The following CSK variants were observed in gnomAD, a reference collection of about 807,000 sequenced individuals.
CSK encodes the protein tyrosine-protein kinase CSK.
Under a neutral mutation model 62.3 loss-of-function variants are expected in CSK, and 7 were observed. The ratio of observed to expected loss-of-function variants is 0.11; its 90% confidence interval spans 0.06 to 0.21. The LOEUF is 0.21. CSK is among the 10% of genes least tolerant of loss of function. The pLI is 1.00. For synonymous variants in CSK, 237 were observed against 246.0 expected, an observed-to-expected ratio of 0.96 and a Z score of 0.34; for missense variants, 294 against 613.5, an observed-to-expected ratio of 0.48 and a Z score of 5.50.
At chr15:74,794,163 T>C (rs62006565) in intron 1 of CSK, among the ~76,000 whole-genome samples, 35,008 of 51,410 alleles carry the variant, frequency 0.68, 11,426 homozygotes, top group Non-Finnish European at 0.76. Context: ...ACCCCCACCC[T>C]CACAGCTTAC....
At position 74,782,151 on chromosome 15, in the gene CSK, T is replaced by TGGCCGCCGCCGCCGCC. The variant is rs1302261617; in HGVS notation, c.-633_-618dup. ...AGCGGAGCCCTGGGCGAGCCGAGGTTGGCCGCCGCCGCCGCCGAGCCCGCT... is the reference window on the plus strand; with the variant it reads ...AGCGGAGCCCTGGGCGAGCCGAGGTTGGCCGCCGCCGCCGCCGGCCGCCGCCGCCGCCGAGCCCGCT... On this transcript the variant is annotated 5_prime_UTR_variant, in exon 1 of 13. Transcript: ENST00000220003. The surrounding 1 kb of genome is among the most constrained non-coding windows in gnomAD (Gnocchi z 5.7). 6.7e-6 allele frequency: 1 copy of TGGCCGCCGCCGCCGCC among 148,646 alleles called. No individual in the cohort carries two copies. Among genetic ancestry groups the TGGCCGCCGCCGCCGCC allele is most frequent in the Non-Finnish European group, 1.5e-5 (1 of 66,486 alleles). 9.2% of individuals were successfully genotyped at this position (148,646 alleles called of 1,614,324 possible).
rs1180937271 is a variant in CSK at position 74,798,188 on chromosome 15, G to T, written c.-65-45G>T. On this transcript the variant is annotated intron_variant, in intron 1 of 12. Coordinates refer to ENST00000220003, the MANE Select transcript of CSK (RefSeq NM_004383.3). The surrounding 1 kb of genome is among the most constrained non-coding windows in gnomAD (Gnocchi z 6.6). ...GGAGCCAGATCTCAGCAGTTGGGGG[G>T]CATTTCTTCACACCCCTCCTCAGTC... 6 of 1,230,452 alleles carry T rather than the reference G, an allele frequency of 4.9e-6. No homozygotes were observed. Among genetic ancestry groups the T allele is most frequent in the Non-Finnish European group, 6.7e-6 (6 of 891,424 alleles). 76.2% of individuals were successfully genotyped at this position (1,230,452 alleles called of 1,614,324 possible). A position where few individuals can be genotyped will look rare whatever the true frequency, so the allele number is the denominator to read the frequency against.
In CSK at chr15:74,799,258, C is replaced by G; in HGVS notation, c.243-14C>G. ...CTTTGGGCCACCATGACCTCCAGCCCTGCTGCTCCCCAGTTGGTTCCACGG... is the reference window on the plus strand; with the variant it reads ...CTTTGGGCCACCATGACCTCCAGCCGTGCTGCTCCCCAGTTGGTTCCACGG... On this transcript the variant is annotated splice_polypyrimidine_tract_variant and intron_variant, in intron 4 of 12. Coordinates refer to ENST00000220003, the MANE Select transcript of CSK (RefSeq NM_004383.3). 6.2e-7 allele frequency: 1 copy of G among 1,601,100 alleles called. No homozygotes were observed.
rs35869831 is a variant in CSK at position 74,784,568 on chromosome 15, C to G, written c.-66+1848C>G. Among the ~76,000 whole-genome samples, 847 of 152,244 alleles carry G rather than the reference C, an allele frequency of 5.6e-3. 6 individuals carry two copies. The highest frequency in any genetic ancestry group is 8.3e-3 in the Non-Finnish European group (563 of 68,018). ...CCCTCTCAGAAGCAGCTGCTCTTCT[C>G]TCTGCATTGGGTCAGGGGCAAGGAA... On this transcript the variant is annotated intron_variant, in intron 1 of 12. Transcript: ENST00000220003.
At chr15:74,791,153 C>A (rs1378940) in intron 1 of CSK, among the ~76,000 whole-genome samples, 66,016 of 152,074 alleles carry the variant, frequency 0.43, 18,745 homozygotes, top group Non-Finnish European at 0.66. Context: ...TCTGTCTTTC[C>A]AAAGATAATC....
intron 1 of CSK, among the ~76,000 whole-genome samples, chr15:74,791,456 C>A (rs140399289): frequency 3.3e-5 from 5 of 152,152 alleles, no homozygotes; most frequent in Admixed American, 1.3e-4. Context: ...GGCATTGCAT[C>A]TTTCACCCTA....
intron 1 of CSK, among the ~76,000 whole-genome samples, chr15:74,785,888 G>T (rs543649269): frequency 6.6e-6 from 1 of 152,108 alleles, no homozygotes; most frequent in East Asian, 1.9e-4. Flanking sequence ...CATGGGGCTG[G>T]CCCTGGGAAG....
intron 1 of CSK, chr15:74,792,926 GCTTTGGGGTTAACTATAGTCC>G (rs1567216389): frequency 1.3e-5 from 2 of 152,276 alleles, no homozygotes; most frequent in East Asian, 1.9e-4. Flanking sequence ...AGCTGCTATC[GCTTTGGGGTTAACTATAGTCC>G]CTTTGGGGTT....
chr15:74,786,002 C>CTTTTTTTTTTTTTTTTTTT (rs536939856), intron 1 of CSK, among the ~76,000 whole-genome samples: 12 of 73,620 alleles, frequency 1.6e-4, no homozygotes, highest in East Asian at 4.3e-4. Flanking sequence ...CTCTCTCTCT[C>CTTTTTTTTTTTTTTTTTTT]TTTTTTTTTT....
Position 74,800,879 on chromosome 15 carries a change from G to A in CSK, c.679G>A (p.Asp227Asn). 6.2e-7 allele frequency: 1 copy of A among 1,613,240 alleles called. No homozygotes were observed. The highest frequency in any genetic ancestry group is 8.5e-7 in the Non-Finnish European group (1 of 1,180,018). The change falls in exon 8 of 13, where the codon GAC becomes AAC. Residue 227 changes from aspartate to asparagine, a missense_variant. Physicochemically the swap from Asp to Asn is conservative, Grantham distance 23. Transcript: ENST00000220003. The part of the protein sequence containing the change: ...NKVAVKCIKN[D>N]ATAQAFLAEA... Reference sequence around the variant, plus strand: ...AGTCGCCGTCAAGTGCATTAAGAACGACGCCACTGCCCAGGCCTTCCTGGC... The same window carrying A: ...AGTCGCCGTCAAGTGCATTAAGAACAACGCCACTGCCCAGGCCTTCCTGGC...
In CSK at chr15:74,802,535, A is replaced by T. The variant is rs762082239; in HGVS notation, c.*22A>T. On this transcript the variant is annotated 3_prime_UTR_variant, in exon 13 of 13. Transcript: ENST00000220003. ...GTGACGGCTGGCCTCCGCCTGGGTC[A>T]TGGGCCTGTGGGGACTGAACCTGGA... The T allele has an allele frequency of 9.3e-6, 15 of 1,610,550 alleles. No individual in the cohort carries two copies. The highest frequency in any genetic ancestry group is 1.2e-5 in the Non-Finnish European group (14 of 1,179,270).
At chr15:74,788,377 G>T (rs1380446537) in intron 1 of CSK, among the ~76,000 whole-genome samples, 1 of 152,138 alleles carries the variant, frequency 6.6e-6, no homozygotes, top group African/African-American at 2.4e-5. Context: ...GGGAAGAAAG[G>T]TCCCCTAACC....
At position 74,799,078 on chromosome 15, in the gene CSK, G is replaced by A. The variant is rs374131299; in HGVS notation, c.242+140G>A. The stretch of plus-strand genomic sequence containing the variant: ...GAGGAGGTGCAGGGTGCGGGTGCGG[G>A]ACCTCACAGAGCAGGGCTGGGGGCA... On this transcript the variant is annotated intron_variant, in intron 4 of 12. Coordinates refer to ENST00000220003, the MANE Select transcript of CSK (RefSeq NM_004383.3). 9.3e-6 allele frequency: 9 copies of A among 968,926 alleles called. No homozygotes were observed. The South Asian group carries it at 1.4e-4, about 15-fold the overall frequency. The allele number at this position is 968,926 out of a possible 1,614,324, so 60.0% of individuals were successfully genotyped here.
chr15:74,790,000 C>G (rs2063593300), intron 1 of CSK, among the ~76,000 whole-genome samples: 2 of 152,206 alleles, frequency 1.3e-5, no homozygotes, highest in Admixed American at 1.3e-4. Flanking sequence ...CCTTCTCCAC[C>G]CGGATATCCT....
In CSK at chr15:74,800,998, T is replaced by C. The variant is rs375807271; in HGVS notation, c.723-14T>C. The C allele has an allele frequency of 8.1e-6, 13 of 1,613,140 alleles. No homozygotes were observed. The African/African-American group carries it at 1.2e-4, about 15-fold the overall frequency. Reference sequence around the variant, plus strand: ...ACCAGCTTCCCCTTTCTGACCACTCTCGTCCTGCCCCAGGCAACTGCGGCA... The same window carrying C: ...ACCAGCTTCCCCTTTCTGACCACTCCCGTCCTGCCCCAGGCAACTGCGGCA... On this transcript the variant is annotated splice_polypyrimidine_tract_variant and intron_variant, in intron 8 of 12. Coordinates refer to ENST00000220003, the MANE Select transcript of CSK (RefSeq NM_004383.3).
rs2063781213 is a variant in CSK, at chr15:74,800,899, C to T, written c.699C>T (p.Phe233=). ...CIKNDATAQA[F]LAEASVMTQL... is the part of the protein sequence containing the mutation. ...AGAACGACGCCACTGCCCAGGCCTT[C>T]CTGGCTGAAGCCTCAGTCATGACGT... Residue 233 remains phenylalanine (F), a synonymous_variant, in exon 8 of 13, where the codon TTC becomes TTT. Coordinates refer to ENST00000220003, the MANE Select transcript of CSK (RefSeq NM_004383.3). 6.2e-7 allele frequency: 1 copy of T among 1,613,028 alleles called. No individual in the cohort carries two copies. The highest frequency in any genetic ancestry group is 8.5e-7 in the Non-Finnish European group (1 of 1,180,032).
chr15:74,796,593 C>CAA (rs553348497), intron 1 of CSK, among the ~76,000 whole-genome samples: 11 of 98,356 alleles, frequency 1.1e-4, no homozygotes, highest in East Asian at 3.1e-4. Flanking sequence ...GACCCTTTCT[C>CAA]AAAAAAAAAA....
In CSK at chr15:74,799,407, G is replaced by A. The variant is rs774934532; in HGVS notation, c.378G>A (p.Val126=). 1.9e-6 allele frequency: 3 copies of A among 1,613,644 alleles called. No individual in the cohort carries two copies. The highest frequency in any genetic ancestry group is 2.5e-6 in the Non-Finnish European group (3 of 1,180,026). Residue 126 remains valine, a synonymous_variant, in exon 5 of 13, where the codon GTG becomes GTA. Coordinates refer to ENST00000220003, the MANE Select transcript of CSK (RefSeq NM_004383.3). ...YTLCVSCDGK[V]EHYRIMYHAS... Reference sequence around the variant, plus strand: ...TGTGCGTGAGCTGCGACGGCAAGGTGGAGCACTACCGCATCATGTACCATG... The same window carrying A: ...TGTGCGTGAGCTGCGACGGCAAGGTAGAGCACTACCGCATCATGTACCATG...
Position 74,800,942 on chromosome 15 carries a change from G to A in CSK, c.722+20G>A. ...CATGACGTGAGTGGGGGCGGGGTAG[G>A]GGGGAGGTTGGCCTAGGTTAGGAGT... On this transcript the variant is annotated intron_variant, in intron 8 of 12. Coordinates refer to ENST00000220003, the MANE Select transcript of CSK (RefSeq NM_004383.3). 2 of 1,612,882 alleles carry A rather than the reference G, an allele frequency of 1.2e-6. No homozygotes were observed. The highest frequency in any genetic ancestry group is 1.7e-6 in the Non-Finnish European group (2 of 1,179,946).
Sources: gnomAD v4.1 joint callset for allele counts (sites outside exome capture counted in the v4.1 genomes callset) on GRCh38, gnomAD v4.1.1 for gene constraint, Gnocchi (gnomAD v3.1) non-coding constraint, MANE v1.5 for transcripts, NCBI Gene and HGNC (gene_info 2026-07-23, HGNC 2026-07-21) for gene names.